The following SETD4 variants were observed in gnomAD, a reference collection of about 807,000 sequenced individuals.
SETD4 encodes the protein SET domain-containing protein 4.
SETD4 carries 46 observed loss-of-function variants against 58.3 expected under a neutral mutation model. The ratio of observed to expected loss-of-function variants is 0.79; its 90% CI spans 0.62 to 1.01. The LOEUF (loss-of-function observed/expected upper bound fraction) is 1.01, where lower values mean the gene tolerates loss of function less well. Ranked by LOEUF, SETD4 falls within the 50% of genes least tolerant of loss-of-function variation. The probability of loss-of-function intolerance (pLI) is 0.00; values close to 1 mark genes in which losing one functional copy is unlikely to be tolerated. For synonymous variants in SETD4, 190 were observed against 202.6 expected (o/e 0.94, Z 0.53); for missense variants, 490 against 523.3 (o/e 0.94, Z 0.62).
intron 3 of SETD4, among the ~76,000 whole-genome samples, chr21:36,056,701 G>T (rs554731397): frequency 6.6e-6 from 1 of 152,222 alleles, no homozygotes; most frequent in African/African-American, 2.4e-5. Flanking sequence ...TGGGACTACA[G>T]GGCACACCAC....
At chr21:36,054,893 TC>T (rs1049898295) in intron 3 of SETD4, among the ~76,000 whole-genome samples, 3 of 148,080 alleles carry the variant, frequency 2.0e-5, no homozygotes, top group African/African-American at 7.5e-5. Flanking sequence ...AAGTCTTCCA[TC>T]AGCTTCCTGG....
chr21:36,054,739 C>T (rs1438313769), intron 3 of SETD4, among the ~76,000 whole-genome samples: 1 of 151,506 alleles, frequency 6.6e-6, no homozygotes, highest in African/African-American at 2.4e-5. Context: ...GGTGGGAATT[C>T]CTGCCTCAAG....
chr21:36,059,092 C>T (rs2123800053), intron 1 of SETD4, 168 bp from the exon 2 acceptor site: 1 of 762,054 alleles, frequency 1.3e-6, no homozygotes, highest in Non-Finnish European at 1.9e-6. Flanking sequence ...TGCTTTTGTA[C>T]ATGAAACGTT....
chr21:36,045,478 C>T (rs779732327), intron 6 of SETD4, 104 bp downstream of exon 6: 7 of 1,432,542 alleles, frequency 4.9e-6, no homozygotes, highest in African/African-American at 1.4e-5. Flanking sequence ...CTGAAGCCGC[C>T]GACACCTCTC....
In SETD4 at chr21:36,057,127, C is replaced by T; in HGVS notation, c.151G>A (p.Ala51Thr). 6.2e-7 allele frequency: 1 copy of T among 1,614,104 alleles called. No individual in the cohort carries two copies. Among genetic ancestry groups the T allele is most frequent in the Non-Finnish European group, 8.5e-7 (1 of 1,179,958 alleles). The change falls in exon 3 of 12, where the codon GCG (alanine) becomes ACG (threonine). Residue 51 changes from alanine (A) to threonine (T), a missense_variant. Transcript: ENST00000332131. Reference sequence around the variant, plus strand: ...ATCTTACCTGGAAAACAAGCAGGCGCTAAGTTTGAATCTTGAAACTTCCTA... The same window carrying T: ...ATCTTACCTGGAAAACAAGCAGGCGTTAAGTTTGAATCTTGAAACTTCCTA... The part of the protein sequence containing the change: ...KARKFQDSNL[A>T]PACFPGTGRG...
At chr21:36,038,617 G>A (rs1380307781) in intron 9 of SETD4, among the ~76,000 whole-genome samples, 2 of 152,206 alleles carry the variant, frequency 1.3e-5, no homozygotes, top group Non-Finnish European at 1.5e-5. Flanking sequence ...AGAACAGGAG[G>A]GCGAGTCCAC....
At position 36,043,863 on chromosome 21, in the gene SETD4, G is replaced by A; in HGVS notation, c.820C>T (p.Pro274Ser). The A allele has an allele frequency of 6.2e-7, 1 of 1,614,166 alleles. No individual in the cohort carries two copies. Among genetic ancestry groups the A allele is most frequent in the Non-Finnish European group, 8.5e-7 (1 of 1,180,028 alleles). The change falls in exon 7 of 12, where the codon CCT becomes TCT. Residue 274 changes from proline (P) to serine (S), a missense_variant. Transcript: ENST00000332131. ...KHEEVFICYG[P>S]HDNQRLFLEY... Reference sequence around the variant, plus strand: ...AGGAACAGCCGTTGATTATCGTGAGGGCCGTAACAGATGAATACCTCTTCA... The same window carrying A: ...AGGAACAGCCGTTGATTATCGTGAGAGCCGTAACAGATGAATACCTCTTCA...
At chr21:36,056,789 C>T (rs2123773306) in intron 3 of SETD4, among the ~76,000 whole-genome samples, 1 of 152,186 alleles carries the variant, frequency 6.6e-6, no homozygotes, top group East Asian at 1.9e-4. Context: ...AACTCATGAG[C>T]TCAAGTGATC....
intron 4 of SETD4, chr21:36,050,271 G>C: frequency 6.4e-7 from 1 of 1,566,342 alleles, no homozygotes; most frequent in East Asian, 2.2e-5. Flanking sequence ...TCCCATCAGG[G>C]AAGACTATCC....
At chr21:36,057,258 A>G in intron 2 of SETD4, 54 bp from the exon 3 acceptor site, 1 of 1,301,896 alleles carries the variant, frequency 7.7e-7, no homozygotes, top group South Asian at 1.2e-5. Context: ...TAATCGGATT[A>G]CCATTTTTAA....
chr21:36,048,101 GAGGAAGGCAGGCAGGCAGGCAGGC>G (rs1460049452), intron 5 of SETD4, among the ~76,000 whole-genome samples, 183 bp downstream of exon 5: 2 of 135,074 alleles, frequency 1.5e-5, no homozygotes, highest in African/African-American at 2.7e-5. Context: ...GGGAGGGAGG[GAGGAAGGCAGGCAGGCAGGCAGGC>G]AGGAAGGCAG....
intron 4 of SETD4, among the ~76,000 whole-genome samples, chr21:36,051,675 C>T (rs1385522637): frequency 6.6e-6 from 1 of 151,506 alleles, no homozygotes; most frequent in Non-Finnish European, 1.5e-5. Flanking sequence ...GGAACAAATA[C>T]TTTTTTTTTC....
chr21:36,054,711 T>A (rs1601282294), intron 3 of SETD4, among the ~76,000 whole-genome samples: 1 of 152,028 alleles, frequency 6.6e-6, no homozygotes, highest in South Asian at 2.1e-4. Context: ...CAGGTTGGAT[T>A]TGATGCTCCC....
rs183602565 is a variant in SETD4, at chr21:36,045,342, A to G, written c.726+240T>C. Among the ~76,000 whole-genome samples the G allele has an allele frequency of 1.3e-4, 20 of 152,322 alleles. 1 individual carries two copies. The East Asian group carries it at 3.9e-3, about 29-fold the overall frequency. On this transcript the variant is annotated intron_variant, in intron 6 of 11. Transcript: ENST00000332131. Reference sequence around the variant, plus strand: ...GGAAAGACCGGACAGAGGATGCAGCACGAGGCTCTGTAGGCCTGAAGAGCA... The same window carrying G: ...GGAAAGACCGGACAGAGGATGCAGCGCGAGGCTCTGTAGGCCTGAAGAGCA...
chr21:36,057,078 A>AAGGGC, intron 3 of SETD4, 31 bp downstream of exon 3: 1 of 1,579,604 alleles, frequency 6.3e-7, no homozygotes, highest in Non-Finnish European at 8.7e-7. Flanking sequence ...TCGTGTGGGA[A>AAGGGC]AGGGCAGGAC....
At chr21:36,050,697 C>T (rs142030584) in intron 4 of SETD4, 20 of 1,607,372 alleles carry the variant, frequency 1.2e-5, no homozygotes, top group South Asian at 6.6e-5. Context: ...AAAGAATACG[C>T]GGGGTCATAG....
chr21:36,040,043 G>A (rs1254921240), intron 9 of SETD4, among the ~76,000 whole-genome samples: 3 of 152,254 alleles, frequency 2.0e-5, no homozygotes, highest in Non-Finnish European at 4.4e-5. Flanking sequence ...ACAGCTGGAT[G>A]TGTCGACAGG....
At chr21:36,054,421 A>G (rs2064875168) in intron 3 of SETD4, among the ~76,000 whole-genome samples, 1 of 152,370 alleles carries the variant, frequency 6.6e-6, no homozygotes, top group Non-Finnish European at 1.5e-5. Context: ...TAAGAGGCCT[A>G]GAGCATTAAC....
intron 4 of SETD4, among the ~76,000 whole-genome samples, chr21:36,051,712 A>G (rs778093604): frequency 6.6e-6 from 1 of 151,734 alleles, no homozygotes; most frequent in Non-Finnish European, 1.5e-5. Flanking sequence ...GTTTTTGTAC[A>G]AAAAAAATGG....
Sources: gnomAD v4.1 joint callset for allele counts (sites outside exome capture counted in the v4.1 genomes callset) on GRCh38, gnomAD v4.1.1 for gene constraint, MANE v1.5 for transcripts, NCBI Gene and HGNC (gene_info 2026-07-23, HGNC 2026-07-21) for gene names.